Variants in FDFT1 observed in about 807,000 individuals in gnomAD.
FDFT1 encodes the protein farnesyl-diphosphate farnesyltransferase 1.
Under a neutral mutation model 46.8 loss-of-function variants are expected in FDFT1, and 68 were observed. That is an observed-to-expected ratio of 1.45 (90% CI 1.19 to 1.78). FDFT1 has a LOEUF of 1.78. Among genes scored for constraint, FDFT1 ranks in the 40% most tolerant of loss-of-function variants. The probability of loss-of-function intolerance (pLI) is 0.00; values close to 1 mark genes in which losing one functional copy is unlikely to be tolerated. For synonymous variants in FDFT1, 351 were observed against 185.1 expected (o/e 1.90, Z -7.28); for missense variants, 928 against 524.4 (o/e 1.77, Z -7.52).
At chr8:11,821,693 T>G (rs1160466265) in intron 3 of FDFT1, 57 bp from the exon 4 acceptor site, 7 of 1,589,258 alleles carry the variant, frequency 4.4e-6, no homozygotes, top group Non-Finnish European at 5.2e-6. Flanking sequence ...TTGTGATCTT[T>G]GGTGCCATGT....
At chr8:11,803,132 C>T (rs1165575941) in intron 1 of FDFT1, 1 of 1,428,238 alleles carries the variant, frequency 7.0e-7, no homozygotes, top group South Asian at 1.4e-5. Flanking sequence ...CTGTCCCTGC[C>T]CCCGCAAGCC....
At chr8:11,800,292 AG>A (rs750354777), upstream of FDFT1, among the ~76,000 whole-genome samples, 99 of 100,724 alleles carry the variant, frequency 9.8e-4, 6 homozygotes, top group Middle Eastern at 6.3e-3. Flanking sequence ...AAAAAAAAAA[AG>A]GCGCTTGAAC....
intron 6 of FDFT1, among the ~76,000 whole-genome samples, chr8:11,830,869 C>G (rs1345541218): frequency 6.6e-6 from 1 of 152,204 alleles, no homozygotes; most frequent in Non-Finnish European, 1.5e-5. Flanking sequence ...GGAACTTACA[C>G]TTTTTAGTTG....
chr8:11,838,739 C>A lies in FDFT1; in HGVS notation c.*130C>A, dbSNP rs929731072. 2 of 762,098 alleles carry A rather than the reference C, an allele frequency of 2.6e-6. No homozygotes were observed. The highest frequency in any genetic ancestry group is 4.4e-6 in the Non-Finnish European group (2 of 455,410). 47.2% of individuals were successfully genotyped at this position (762,098 alleles called of 1,614,324 possible). On this transcript the variant is annotated 3_prime_UTR_variant, in exon 8 of 8. Transcript: ENST00000220584. Reference sequence around the variant, plus strand: ...CTAAAAGAACGCTGTGTGGCTGGGACCTTTAGGAAAGTGAAATGCAGGTGA... The same window carrying A: ...CTAAAAGAACGCTGTGTGGCTGGGAACTTTAGGAAAGTGAAATGCAGGTGA...
At chr8:11,813,830 A>C (rs986228462) in intron 3 of FDFT1, among the ~76,000 whole-genome samples, 1 of 152,204 alleles carries the variant, frequency 6.6e-6, no homozygotes, top group African/African-American at 2.4e-5. Flanking sequence ...GGCTCAATTC[A>C]CATGTCACGG....
intron 3 of FDFT1, among the ~76,000 whole-genome samples, chr8:11,812,262 C>A (rs565267843): frequency 1.3e-5 from 2 of 152,352 alleles, no homozygotes; most frequent in South Asian, 4.1e-4. Context: ...CCTGAGCCCA[C>A]GTCTGCGTCC....
At chr8:11,802,046 C>G (rs1397076488), upstream of FDFT1, 3 of 455,904 alleles carry the variant, frequency 6.6e-6, no homozygotes, top group Admixed American at 2.3e-5. Context: ...TTTCCACATT[C>G]CTGTTACAGG....
intron 7 of FDFT1, among the ~76,000 whole-genome samples, chr8:11,837,573 G>T (rs1811716529): frequency 6.6e-6 from 1 of 152,148 alleles, no homozygotes; most frequent in Non-Finnish European, 1.5e-5. Flanking sequence ...GTGGGCAAGG[G>T]CTGGTGACAC....
intron 7 of FDFT1, 63 bp downstream of exon 7, chr8:11,831,733 G>C (rs1810834543): frequency 6.0e-6 from 8 of 1,323,822 alleles, no homozygotes; most frequent in Non-Finnish European, 8.7e-6. Context: ...TAATGTCACT[G>C]TTTAACCAGG....
chr8:11,813,135 T>C (rs750535369), intron 3 of FDFT1, among the ~76,000 whole-genome samples: 7 of 152,158 alleles, frequency 4.6e-5, no homozygotes, highest in Non-Finnish European at 1.0e-4. Context: ...ATAGAAAAGG[T>C]ATAGTAAAAA....
At chr8:11,828,014 C>T (rs1377857365) in intron 5 of FDFT1, among the ~76,000 whole-genome samples, 1 of 152,036 alleles carries the variant, frequency 6.6e-6, no homozygotes, top group East Asian at 1.9e-4. Context: ...ACAGCCTGGC[C>T]AACATGGCAA....
chr8:11,826,494 A>C (rs1345413801), intron 5 of FDFT1, among the ~76,000 whole-genome samples: 1 of 152,190 alleles, frequency 6.6e-6, no homozygotes. Context: ...ACCCATGTGC[A>C]CTAGCTTAAC....
chr8:11,813,006 A>G (rs954435978), intron 3 of FDFT1, among the ~76,000 whole-genome samples: 1 of 151,254 alleles, frequency 6.6e-6, no homozygotes, highest in Non-Finnish European at 1.5e-5. Flanking sequence ...CATAGCTACT[A>G]CAGACGTAGG....
rs1406093700 is a variant in FDFT1 at position 11,838,647 on chromosome 8, G to A, written c.*38G>A. The A allele has an allele frequency of 2.0e-6, 3 of 1,497,136 alleles. No individual in the cohort carries two copies. The allele number at this position is 1,497,136 out of a possible 1,614,324, so 92.7% of individuals were successfully genotyped here. A position where few individuals can be genotyped will look rare whatever the true frequency, so the allele number is the denominator to read the frequency against. On this transcript the variant is annotated 3_prime_UTR_variant, in exon 8 of 8. Coordinates refer to ENST00000220584, the MANE Select transcript of FDFT1 (RefSeq NM_004462.5). ...CCATAGCTGAAGTCCACCATAAAGT[G>A]GATTTACTTTTTTTCTTTAAGGATG...
intron 3 of FDFT1, among the ~76,000 whole-genome samples, chr8:11,821,265 T>C (rs1809198065): frequency 6.6e-6 from 1 of 152,254 alleles, no homozygotes; most frequent in African/African-American, 2.4e-5. Flanking sequence ...TTTTAGACCA[T>C]TCTATTTTAA....
At chr8:11,837,051 C>T (rs1028505574) in intron 7 of FDFT1, among the ~76,000 whole-genome samples, 4 of 152,188 alleles carry the variant, frequency 2.6e-5, no homozygotes, top group Middle Eastern at 3.2e-3. Context: ...CTGGCTGAAC[C>T]TGGAGCTGCA....
At chr8:11,804,489 C>T (rs1273268290) in intron 1 of FDFT1, among the ~76,000 whole-genome samples, 1 of 151,336 alleles carries the variant, frequency 6.6e-6, no homozygotes, top group Non-Finnish European at 1.5e-5. Flanking sequence ...TGTAGTCTTT[C>T]TGGGCAGTTT....
At chr8:11,826,244 A>T in intron 5 of FDFT1, 29 bp downstream of exon 5, 2 of 1,449,882 alleles carry the variant, frequency 1.4e-6, no homozygotes, top group Non-Finnish European at 1.9e-6. Context: ...TTTGGGGGAA[A>T]ATAACTTTAG....
chr8:11,804,932 G>GC (rs1185028651), intron 1 of FDFT1, among the ~76,000 whole-genome samples: 1 of 145,418 alleles, frequency 6.9e-6, no homozygotes, highest in Non-Finnish European at 1.5e-5. Context: ...TTTTGAGGGG[G>GC]GGGTCTCACT....
Sources: gnomAD v4.1 joint callset for allele counts (sites outside exome capture counted in the v4.1 genomes callset) on GRCh38, gnomAD v4.1.1 for gene constraint, MANE v1.5 for transcripts, NCBI Gene and HGNC (gene_info 2026-07-23, HGNC 2026-07-21) for gene names.